The following FGGY variants were observed in gnomAD, a reference collection of about 807,000 sequenced individuals.
FGGY encodes the protein FGGY carbohydrate kinase domain containing, also known as FGGY carbohydrate kinase domain-containing protein.
A neutral mutation model predicts 71.3 loss-of-function variants in FGGY; 72 were observed. The ratio of observed to expected loss-of-function variants is 1.01; its 90% CI spans 0.84 to 1.23. The LOEUF (loss-of-function observed/expected upper bound fraction) is 1.23. Ranked by LOEUF, FGGY falls within the 50% of genes most tolerant of loss-of-function variation. The pLI, the probability that FGGY is intolerant of heterozygous loss-of-function variation, is 0.00. For missense variants in FGGY, 668 were observed against 682.3 expected, an observed-to-expected ratio of 0.98 and a Z score of 0.23; for synonymous variants, 251 against 250.3, an observed-to-expected ratio of 1.00 and a Z score of -0.02.
chr1:59,298,870 A>G (rs922064242), intron 1 of FGGY, among the ~76,000 whole-genome samples: 1 of 152,176 alleles, frequency 6.6e-6, no homozygotes, highest in African/African-American at 2.4e-5. Context: ...GATCATCCAA[A>G]TCAGTTCTTC....
chr1:59,335,799 T>A (rs1381453774), intron 2 of FGGY, among the ~76,000 whole-genome samples: 2 of 152,188 alleles, frequency 1.3e-5, no homozygotes, highest in African/African-American at 4.8e-5. Flanking sequence ...CATTGGCCAT[T>A]TGTATATTTT....
chr1:59,572,611 G>A (rs978074141), intron 8 of FGGY, among the ~76,000 whole-genome samples: 1 of 152,210 alleles, frequency 6.6e-6, no homozygotes, highest in Admixed American at 6.5e-5. Context: ...AAGACTGGGA[G>A]TCTGTGTGAG....
chr1:59,394,434 C>G (rs17119359), intron 5 of FGGY, among the ~76,000 whole-genome samples: 10,181 of 152,124 alleles, frequency 0.067, 543 homozygotes, highest in African/African-American at 0.14. Flanking sequence ...GTGTAAAATG[C>G]CCACCCTGGG....
intron 7 of FGGY, among the ~76,000 whole-genome samples, chr1:59,542,492 T>C (rs1404144420): frequency 7.8e-6 from 1 of 128,974 alleles, no homozygotes; most frequent in Non-Finnish European, 1.6e-5. Flanking sequence ...GGAGTTTCAC[T>C]CTTGTTGCCC....
At chr1:59,319,072 A>G (rs1168556639) in intron 1 of FGGY, among the ~76,000 whole-genome samples, 1 of 152,210 alleles carries the variant, frequency 6.6e-6, no homozygotes, top group Non-Finnish European at 1.5e-5. Context: ...TGTCTTCTGC[A>G]TTTCTTCTGA....
chr1:59,480,044 C>T (rs1157929521), intron 6 of FGGY, among the ~76,000 whole-genome samples: 1 of 152,172 alleles, frequency 6.6e-6, no homozygotes, highest in East Asian at 1.9e-4. Flanking sequence ...TGCTACCTAG[C>T]CTGTGTTCCC....
chr1:59,698,716 C>A, intron 14 of FGGY: 1 of 979,238 alleles, frequency 1.0e-6, no homozygotes, highest in Non-Finnish European at 1.2e-6. Flanking sequence ...GAATCCATTA[C>A]CTTTCACCAG....
intron 5 of FGGY, among the ~76,000 whole-genome samples, chr1:59,401,277 A>C (rs2061935471): frequency 6.6e-6 from 1 of 152,224 alleles, no homozygotes. Context: ...AAAGCCCATA[A>C]GTAGGTTTTT....
chr1:59,728,520 G>A (rs151055694), intron 14 of FGGY, among the ~76,000 whole-genome samples: 67 of 151,628 alleles, frequency 4.4e-4, no homozygotes, highest in African/African-American at 1.6e-3. Context: ...CCAAGTTTTT[G>A]ACCTATATCA....
intron 8 of FGGY, among the ~76,000 whole-genome samples, chr1:59,568,967 G>T (rs760471509): frequency 4.0e-5 from 6 of 151,710 alleles, no homozygotes; most frequent in Non-Finnish European, 7.4e-5. Flanking sequence ...ATAAAATTTG[G>T]ATTTACAAAA....
intron 14 of FGGY, chr1:59,699,428 A>T: frequency 1.0e-6 from 1 of 983,976 alleles, no homozygotes; most frequent in Non-Finnish European, 1.2e-6. Context: ...TGCAATAGTG[A>T]CACCTAGGGG....
At position 59,448,535 on chromosome 1, in the gene FGGY, T is replaced by C. The variant is rs1196948387; in HGVS notation, c.555-8426T>C. ...ACTTTTGTCTCTTCTCCAGCCTGCA[T>C]ACAGAGCAGTATCTAAAGATCTAGG... On this transcript the variant is annotated intron_variant, in intron 5 of 15. Coordinates refer to ENST00000303721, the MANE Select transcript of FGGY (RefSeq NM_018291.5). 2.0e-5 allele frequency among the ~76,000 whole-genome samples: 3 copies of C among 152,190 alleles called. No individual in the cohort carries two copies. The East Asian group carries it at 5.8e-4, about 29-fold the overall frequency.
At chr1:59,398,341 C>A (rs964891893) in intron 5 of FGGY, among the ~76,000 whole-genome samples, 1 of 152,068 alleles carries the variant, frequency 6.6e-6, no homozygotes, top group Non-Finnish European at 1.5e-5. Flanking sequence ...CAGGCTCAAT[C>A]GATTTTCCTG....
In FGGY at chr1:59,341,503, C is replaced by A. The variant is rs568345417; in HGVS notation, c.313+1434C>A. ...GCACAGTGGTAATGATGACCATTTT[C>A]TGCACAGACACACACACTTTTTTCC... On this transcript the variant is annotated intron_variant, in intron 3 of 15. Transcript: ENST00000303721. Among the ~76,000 whole-genome samples, 5 of 152,304 alleles carry A rather than the reference C, an allele frequency of 3.3e-5. No individual in the cohort carries two copies. The East Asian group carries it at 9.7e-4, about 29-fold the overall frequency.
intron 8 of FGGY, among the ~76,000 whole-genome samples, chr1:59,594,365 A>G (rs1041734164): frequency 2.6e-5 from 4 of 152,234 alleles, no homozygotes; most frequent in African/African-American, 9.6e-5. Context: ...GGCAGTATGT[A>G]GGGTTTGTCT....
intron 8 of FGGY, among the ~76,000 whole-genome samples, chr1:59,556,363 GTCTCTTAA>G (rs1236948079): frequency 6.6e-6 from 1 of 152,172 alleles, no homozygotes; most frequent in African/African-American, 2.4e-5. Context: ...TAGTCTTACT[GTCTCTTAA>G]TGGAGATGAG....
At chr1:59,668,400 T>A (rs755525516) in intron 13 of FGGY, among the ~76,000 whole-genome samples, 5 of 152,060 alleles carry the variant, frequency 3.3e-5, no homozygotes, top group Non-Finnish European at 5.9e-5. Flanking sequence ...CATCCCATAG[T>A]CCCAACTCCA....
At chr1:59,532,763 C>A (rs1362119240) in intron 7 of FGGY, among the ~76,000 whole-genome samples, 1 of 151,616 alleles carries the variant, frequency 6.6e-6, no homozygotes, top group Admixed American at 6.6e-5. Context: ...TTCCACAGGG[C>A]CTATCTAGTG....
intron 8 of FGGY, among the ~76,000 whole-genome samples, chr1:59,562,975 A>G (rs1571314869): frequency 6.6e-6 from 1 of 152,248 alleles, no homozygotes; most frequent in East Asian, 1.9e-4. Flanking sequence ...GAAGTTGCTT[A>G]TACACCTAAG....
Sources: gnomAD v4.1 joint callset for allele counts (sites outside exome capture counted in the v4.1 genomes callset) on GRCh38, gnomAD v4.1.1 for gene constraint, MANE v1.5 for transcripts, NCBI Gene and HGNC (gene_info 2026-07-23, HGNC 2026-07-21) for gene names.